Variants in TTBK2 observed in about 807,000 individuals in gnomAD.
TTBK2 encodes the protein tau tubulin kinase 2.
Under a neutral mutation model 110.8 loss-of-function variants are expected in TTBK2, and 28 were observed. The observed-to-expected ratio is 0.25, with a 90% confidence interval of 0.19 to 0.35. The LOEUF is 0.35. Ranked by LOEUF, TTBK2 falls within the 10% of genes least tolerant of loss-of-function variation. The probability of loss-of-function intolerance (pLI) is 1.00; values close to 1 mark genes in which losing one functional copy is unlikely to be tolerated. For synonymous variants in TTBK2, 532 were observed against 527.3 expected (o/e 1.01, Z -0.12); for missense variants, 1,369 against 1,500.3 (o/e 0.91, Z 1.45).
At chr15:42,901,112 G>T (rs2029976987) in intron 1 of TTBK2, among the ~76,000 whole-genome samples, 1 of 152,198 alleles carries the variant, frequency 6.6e-6, no homozygotes, top group Non-Finnish European at 1.5e-5. Context: ...TGTGATCCCA[G>T]CACTTTGGGA....
At chr15:42,831,014 A>AT (rs56211139) in intron 4 of TTBK2, among the ~76,000 whole-genome samples, 2 of 133,916 alleles carry the variant, frequency 1.5e-5, no homozygotes, top group African/African-American at 7.4e-5. Flanking sequence ...CAAAAAAAAA[A>AT]TGTATATATG....
intron 14 of TTBK2, among the ~76,000 whole-genome samples, chr15:42,746,580 A>G (rs887683476): frequency 7.9e-5 from 12 of 152,220 alleles, no homozygotes; most frequent in Non-Finnish European, 2.9e-5. Flanking sequence ...TTATTCTGCT[A>G]ATTTTCAGAT....
chr15:42,771,673 T>C (rs1889684181), intron 13 of TTBK2, among the ~76,000 whole-genome samples: 1 of 152,260 alleles, frequency 6.6e-6, no homozygotes, highest in Admixed American at 6.5e-5. Context: ...TAACAGGTTA[T>C]TAAAAATACT....
chr15:42,796,935 T>C (rs1890970394), intron 9 of TTBK2, among the ~76,000 whole-genome samples: 1 of 152,268 alleles, frequency 6.6e-6, no homozygotes, highest in Non-Finnish European at 1.5e-5. Context: ...GACATAGTTA[T>C]AAAATCTGAG....
At chr15:42,822,190 G>A (rs78781612) in intron 6 of TTBK2, among the ~76,000 whole-genome samples, 101 of 152,160 alleles carry the variant, frequency 6.6e-4, no homozygotes, top group Non-Finnish European at 9.1e-4. Flanking sequence ...TCAGATGTGC[G>A]TTCTGCAAAT....
chr15:42,761,347 T>G (rs1200177422), intron 13 of TTBK2, among the ~76,000 whole-genome samples: 3 of 152,060 alleles, frequency 2.0e-5, no homozygotes, highest in East Asian at 3.9e-4. Flanking sequence ...ACTAAAAACC[T>G]TCTTCACAGC....
At position 42,740,014 on chromosome 15, in the gene TTBK2, T is replaced by C. The variant is rs1308462740; in HGVS notation, c.*5781A>G. On this transcript the variant is annotated 3_prime_UTR_variant, in exon 15 of 15. Transcript: ENST00000267890. ...TACATAATATTAAATAATATTAAAC[T>C]AATAAAAAGAGAGGTAAAATTCCTA... 6.6e-6 allele frequency: 1 copy of C among 152,226 alleles called. No individual in the cohort carries two copies. The highest frequency in any genetic ancestry group is 6.5e-5 in the Admixed American group (1 of 15,282). 9.4% of individuals were successfully genotyped at this position (152,226 alleles called of 1,614,324 possible).
intron 4 of TTBK2, among the ~76,000 whole-genome samples, chr15:42,835,318 A>G (rs1892944343): frequency 6.6e-6 from 1 of 152,202 alleles, no homozygotes; most frequent in African/African-American, 2.4e-5. Flanking sequence ...GTGATTCAAG[A>G]GGAAGCATAC....
At chr15:42,751,753 C>T (rs1403649201) in intron 14 of TTBK2, among the ~76,000 whole-genome samples, 3 of 151,938 alleles carry the variant, frequency 2.0e-5, no homozygotes, top group African/African-American at 4.8e-5. Flanking sequence ...CAAAAACAAA[C>T]GAAACAAAAG....
At chr15:42,838,194 G>A (rs562864825) in intron 4 of TTBK2, among the ~76,000 whole-genome samples, 12 of 151,568 alleles carry the variant, frequency 7.9e-5, no homozygotes, top group African/African-American at 2.2e-4. Context: ...GTGATAGAGC[G>A]AGACTCTGTC....
At chr15:42,763,125 TATATACATATATACATAC>T (rs2062060974) in intron 13 of TTBK2, among the ~76,000 whole-genome samples, 1 of 102,244 alleles carries the variant, frequency 9.8e-6, no homozygotes, top group Non-Finnish European at 1.7e-5. Context: ...TATACACATA[TATATACATATATACATAC>T]ATATATATAT....
At chr15:42,836,510 T>G (rs777870992) in intron 4 of TTBK2, among the ~76,000 whole-genome samples, 21 of 152,156 alleles carry the variant, frequency 1.4e-4, no homozygotes, top group Admixed American at 3.3e-4. Flanking sequence ...TGGGTTAACT[T>G]TCTTGTGACA....
At chr15:42,772,016 G>C (rs374305075) in intron 13 of TTBK2, among the ~76,000 whole-genome samples, 1 of 152,124 alleles carries the variant, frequency 6.6e-6, no homozygotes. Flanking sequence ...AAGTATAAAC[G>C]TAAGGTAATA....
chr15:42,792,082 A>G (rs1890713887), intron 10 of TTBK2, among the ~76,000 whole-genome samples: 1 of 152,240 alleles, frequency 6.6e-6, no homozygotes, highest in Non-Finnish European at 1.5e-5. Flanking sequence ...GGTTGCAGTG[A>G]GCCGAGATCA....
intron 13 of TTBK2, among the ~76,000 whole-genome samples, chr15:42,757,374 G>A (rs1228220687): frequency 6.6e-6 from 1 of 152,074 alleles, no homozygotes; most frequent in East Asian, 1.9e-4. Context: ...GCCTCCCAAA[G>A]TGCTGGGATT....
intron 1 of TTBK2, among the ~76,000 whole-genome samples, chr15:42,913,118 C>T (rs1359210949): frequency 2.5e-5 from 3 of 117,884 alleles, no homozygotes; most frequent in Non-Finnish European, 4.8e-5. Flanking sequence ...GGCGACAGAG[C>T]GAGACTCCGT....
At position 42,757,956 on chromosome 15, in the gene TTBK2, C is replaced by T. The variant is rs114214890; in HGVS notation, c.1999-4709G>A. Among the ~76,000 whole-genome samples the T allele has an allele frequency of 4.6e-3, 695 of 152,260 alleles. 8 individuals are homozygous for T. Among genetic ancestry groups the T allele is most frequent in the African/African-American group, 0.016 (669 of 41,558 alleles). ...AAAATTAGTGTCTTATTTAATAGTT[C>T]AGGTAAAGCAGCCTCACTATTTTTC... On this transcript the variant is annotated intron_variant, in intron 13 of 14. Transcript: ENST00000267890.
chr15:42,790,881 T>TTTTG (rs1240617729), intron 10 of TTBK2, among the ~76,000 whole-genome samples: 3 of 151,758 alleles, frequency 2.0e-5, no homozygotes, highest in Admixed American at 6.6e-5. Context: ...TGTGTGTTTT[T>TTTTG]TTTGTTTGTT....
Position 42,843,627 on chromosome 15 carries a change from C to T in TTBK2, c.218-3194G>A, listed in dbSNP as rs559067447. On this transcript the variant is annotated intron_variant, in intron 3 of 14. Transcript: ENST00000267890. ...TACAAAAATCAGCCGGGCATGGTAG[C>T]GCATGCCTGTAGTCCCAGCTACTCA... 2.8e-4 allele frequency among the ~76,000 whole-genome samples: 43 copies of T among 151,980 alleles called. 1 individual carries two copies. Among genetic ancestry groups the T allele is most frequent in the South Asian group, 1.5e-3 (7 of 4,796 alleles).
Sources: gnomAD v4.1 joint callset for allele counts (sites outside exome capture counted in the v4.1 genomes callset) on GRCh38, gnomAD v4.1.1 for gene constraint, MANE v1.5 for transcripts, NCBI Gene and HGNC (gene_info 2026-07-23, HGNC 2026-07-21) for gene names.